Variants in ROBO2 observed in about 807,000 individuals in gnomAD.
ROBO2 encodes roundabout homolog 2.
In ROBO2, 53 loss-of-function variants were observed where a neutral mutation model predicts 160.8. The ratio of observed to expected loss-of-function variants is 0.33; its 90% CI spans 0.26 to 0.41. ROBO2 has a LOEUF of 0.41. ROBO2 is among the 10% of genes least tolerant of loss of function. The pLI is 1.00. For synonymous variants in ROBO2, 664 were observed against 611.7 expected (o/e 1.09, Z -1.26); for missense variants, 1,577 against 1,722.4 (o/e 0.92, Z 1.49).
At chr3:76,357,138 A>G (rs1005625154) in intron 2 of ROBO2, among the ~76,000 whole-genome samples, 1 of 151,932 alleles carries the variant, frequency 6.6e-6, no homozygotes, top group Non-Finnish European at 1.5e-5. Context: ...TTGTTAAAAT[A>G]CCATGGAATA....
At chr3:76,935,159 C>T (rs976995732) in intron 2 of ROBO2, among the ~76,000 whole-genome samples, 2 of 151,904 alleles carry the variant, frequency 1.3e-5, no homozygotes, top group African/African-American at 4.8e-5. Context: ...CTCCATGTTG[C>T]CCAGGCTGAT....
intron 2 of ROBO2, among the ~76,000 whole-genome samples, chr3:76,228,556 T>A: frequency 6.6e-6 from 1 of 152,304 alleles, no homozygotes; most frequent in South Asian, 2.1e-4. Context: ...AATGAATGAA[T>A]TCATATTCAT....
chr3:75,908,176 T>C (rs767410311), intron 1 of ROBO2, among the ~76,000 whole-genome samples: 16 of 152,194 alleles, frequency 1.1e-4, no homozygotes, highest in Non-Finnish European at 2.2e-4. Flanking sequence ...AGAATCAAAA[T>C]TCAGGTGTGA....
chr3:77,198,568 G>A (rs1249107523), intron 2 of ROBO2, among the ~76,000 whole-genome samples: 1 of 152,152 alleles, frequency 6.6e-6, no homozygotes, highest in Non-Finnish European at 1.5e-5. Flanking sequence ...GATTGTACAT[G>A]GCTTTTTCAG....
intron 2 of ROBO2, among the ~76,000 whole-genome samples, chr3:76,224,989 C>G (rs911039079): frequency 1.3e-5 from 2 of 152,138 alleles, no homozygotes; most frequent in African/African-American, 4.8e-5. Context: ...GCTGTAGACT[C>G]CATTCTATTT....
intron 2 of ROBO2, among the ~76,000 whole-genome samples, chr3:76,852,366 A>C (rs1268852546): frequency 6.6e-6 from 1 of 152,194 alleles, no homozygotes; most frequent in East Asian, 1.9e-4. Context: ...TGAATCAAAG[A>C]CCCTGAGCAA....
At chr3:76,907,648 G>C (rs1304431042) in intron 2 of ROBO2, among the ~76,000 whole-genome samples, 1 of 152,050 alleles carries the variant, frequency 6.6e-6, no homozygotes, top group Non-Finnish European at 1.5e-5. Flanking sequence ...ATATTTTTAG[G>C]GGGTGCCCAT....
chr3:76,662,522 T>TA (rs1245760240), intron 2 of ROBO2, among the ~76,000 whole-genome samples: 8 of 152,110 alleles, frequency 5.3e-5, no homozygotes, highest in Admixed American at 2.6e-4. Flanking sequence ...AACTCAGATT[T>TA]TTTTTTTTAA....
chr3:76,399,173 TA>T (rs2077665943), intron 2 of ROBO2, among the ~76,000 whole-genome samples: 2 of 151,768 alleles, frequency 1.3e-5, no homozygotes, highest in Non-Finnish European at 1.5e-5. Flanking sequence ...AAATTTTTTA[TA>T]TTGTTGAATT....
chr3:76,446,749 C>T (rs1164974272), intron 2 of ROBO2, among the ~76,000 whole-genome samples: 2 of 152,114 alleles, frequency 1.3e-5, no homozygotes, highest in South Asian at 2.1e-4. Flanking sequence ...CAGCCACAAC[C>T]ATCTGATCTT....
At chr3:76,361,435 A>C (rs2075514832) in intron 2 of ROBO2, among the ~76,000 whole-genome samples, 1 of 152,268 alleles carries the variant, frequency 6.6e-6, no homozygotes, top group South Asian at 2.1e-4. Context: ...GATTTAAATT[A>C]CCCTATAGAT....
chr3:77,262,220 A>G (rs973359460), intron 2 of ROBO2, among the ~76,000 whole-genome samples: 3 of 152,184 alleles, frequency 2.0e-5, no homozygotes, highest in Non-Finnish European at 4.4e-5. Context: ...AAGTAAAGCC[A>G]TAGGTTATAT....
intron 2 of ROBO2, among the ~76,000 whole-genome samples, chr3:76,718,592 T>C (rs563187396): frequency 1.3e-5 from 2 of 152,292 alleles, no homozygotes; most frequent in African/African-American, 4.8e-5. Context: ...GGCCTGAATG[T>C]CATTAAATTA....
intron 1 of ROBO2, among the ~76,000 whole-genome samples, chr3:77,078,671 T>TA (rs2068281546): frequency 6.6e-6 from 1 of 152,220 alleles, no homozygotes; most frequent in Non-Finnish European, 1.5e-5. Flanking sequence ...CAAAGTGTTC[T>TA]AGTAGCAAAT....
intron 2 of ROBO2, among the ~76,000 whole-genome samples, chr3:76,317,646 C>G (rs990401647): frequency 1.3e-5 from 2 of 152,004 alleles, no homozygotes; most frequent in East Asian, 3.9e-4. Context: ...AGATTTAATA[C>G]CTTATCTTTC....
intron 2 of ROBO2, among the ~76,000 whole-genome samples, chr3:76,653,046 A>C (rs530642108): frequency 1.3e-5 from 2 of 152,178 alleles, no homozygotes; most frequent in South Asian, 2.1e-4. Flanking sequence ...TAGCCCTATA[A>C]ATTGATTCTA....
chr3:77,519,197 A>G (rs1041817616), intron 5 of ROBO2, among the ~76,000 whole-genome samples: 19 of 151,556 alleles, frequency 1.3e-4, no homozygotes, highest in Admixed American at 2.0e-4. Context: ...TCAACGTACC[A>G]TTAATTAAAA....
intron 2 of ROBO2, among the ~76,000 whole-genome samples, chr3:77,367,946 A>G (rs537553385): frequency 6.6e-6 from 1 of 152,092 alleles, no homozygotes; most frequent in Non-Finnish European, 1.5e-5. Context: ...GGAAAACTAA[A>G]TTTTCTTCCA....
chr3:75,940,025 G>C (rs968845004), intron 2 of ROBO2, among the ~76,000 whole-genome samples: 1 of 152,092 alleles, frequency 6.6e-6, no homozygotes, highest in Non-Finnish European at 1.5e-5. Flanking sequence ...GCATGCAAAT[G>C]TTATAAGATT....
Sources: gnomAD v4.1 joint callset for allele counts (sites outside exome capture counted in the v4.1 genomes callset) on GRCh38, gnomAD v4.1.1 for gene constraint, MANE v1.5 for transcripts, NCBI Gene and HGNC (gene_info 2026-07-23, HGNC 2026-07-21) for gene names.